PLEK2: variants seen among roughly 807,000 people sequenced by gnomAD.
The protein encoded by PLEK2 is pleckstrin-2.
In PLEK2, 29 loss-of-function variants were observed where a neutral mutation model predicts 43.8. The observed-to-expected ratio is 0.66, with a 90% confidence interval of 0.49 to 0.90. The LOEUF (loss-of-function observed/expected upper bound fraction) is 0.90, where lower values mean the gene tolerates loss of function less well. Ranked by LOEUF, PLEK2 falls within the 40% of genes least tolerant of loss-of-function variation. The probability of loss-of-function intolerance (pLI) is 0.00; values close to 1 mark genes in which losing one functional copy is unlikely to be tolerated. For missense variants in PLEK2, 398 were observed against 448.1 expected (o/e 0.89, Z 1.01); for synonymous variants, 162 against 173.2 (o/e 0.94, Z 0.51).
At chr14:67,401,256 G>A (rs1347535284) in intron 1 of PLEK2, among the ~76,000 whole-genome samples, 2 of 152,114 alleles carry the variant, frequency 1.3e-5, no homozygotes, top group East Asian at 3.9e-4. Flanking sequence ...GGAGGCTGAG[G>A]CAGAAGGATT....
At chr14:67,395,061 G>A (rs1400351089) in intron 3 of PLEK2, among the ~76,000 whole-genome samples, 1 of 152,150 alleles carries the variant, frequency 6.6e-6, no homozygotes, top group East Asian at 1.9e-4. Flanking sequence ...CAGGTATTCT[G>A]TTATAAGTAA....
Position 67,392,319 on chromosome 14 carries a change from G to A in PLEK2, c.771+7C>T, listed in dbSNP as rs750806435. 6.4e-7 allele frequency: 1 copy of A among 1,551,450 alleles called. No individual in the cohort carries two copies. The highest frequency in any genetic ancestry group is 1.1e-5 in the South Asian group (1 of 89,826). ...CCATCTCTCTTCCCTGCTCATAGCAGCCATACCTGCTTGGCCAGGTAGCCT... is the reference window on the plus strand; with the variant it reads ...CCATCTCTCTTCCCTGCTCATAGCAACCATACCTGCTTGGCCAGGTAGCCT... On this transcript the variant is annotated splice_region_variant and intron_variant, in intron 6 of 8. Transcript: ENST00000216446.
At position 67,407,736 on chromosome 14, in the gene PLEK2, C is replaced by T. The variant is rs572400859; in HGVS notation, c.42+4282G>A. ...AATTTACAGGTGTGAGCCACCACACCCGGCAGACCCCTAACTTTAAAGATA... is the reference window on the plus strand; with the variant it reads ...AATTTACAGGTGTGAGCCACCACACTCGGCAGACCCCTAACTTTAAAGATA... On this transcript the variant is annotated intron_variant, in intron 1 of 8. Coordinates refer to ENST00000216446, the MANE Select transcript of PLEK2 (RefSeq NM_016445.3). Among the ~76,000 whole-genome samples, 13 of 152,218 alleles carry T rather than the reference C, an allele frequency of 8.5e-5. No individual in the cohort carries two copies. In the South Asian group the frequency reaches 2.5e-3, roughly 29 times the overall value.
At chr14:67,405,569 T>C (rs1392173271) in intron 1 of PLEK2, among the ~76,000 whole-genome samples, 1 of 152,132 alleles carries the variant, frequency 6.6e-6, no homozygotes, top group East Asian at 1.9e-4. Context: ...CCTTGCATAG[T>C]CTCCTTCCAC....
At chr14:67,407,206 C>G (rs1236616204) in intron 1 of PLEK2, among the ~76,000 whole-genome samples, 1 of 152,096 alleles carries the variant, frequency 6.6e-6, no homozygotes, top group Non-Finnish European at 1.5e-5. Context: ...ACTGCAACCT[C>G]CACCTCTTGG....
intron 3 of PLEK2, among the ~76,000 whole-genome samples, chr14:67,393,478 G>C (rs906896888): frequency 2.0e-5 from 3 of 152,130 alleles, no homozygotes; most frequent in Admixed American, 6.5e-5. Context: ...TTTTGAGACA[G>C]AGTCTCGCTC....
Position 67,393,254 on chromosome 14 carries a change from G to C in PLEK2, c.390-13C>G, listed in dbSNP as rs774444319. The C allele has an allele frequency of 2.3e-5, 37 of 1,594,344 alleles. 1 individual carries two copies. The South Asian group carries it at 3.5e-4, about 15-fold the overall frequency. On this transcript the variant is annotated splice_polypyrimidine_tract_variant and intron_variant, in intron 3 of 8. Coordinates refer to ENST00000216446, the MANE Select transcript of PLEK2 (RefSeq NM_016445.3). The stretch of plus-strand genomic sequence containing the variant: ...GTCCACAATGCGACTACATGGAAGG[G>C]AAGGCAAAGGAGAGGGAACCCTCAT...
At chr14:67,399,730 CTCAGGTGGCAGGAATAAAGAGAAGGGTA>C (rs1566628644) in intron 1 of PLEK2, among the ~76,000 whole-genome samples, 6 of 149,952 alleles carry the variant, frequency 4.0e-5, no homozygotes, top group African/African-American at 1.2e-4. Context: ...TTAGGTGGGT[CTCAGGTGGCAGGAATAAAGAGAAGGGTA>C]GTTTAGGTGG....
intron 8 of PLEK2, among the ~76,000 whole-genome samples, chr14:67,387,707 C>T (rs768340989): frequency 3.4e-4 from 51 of 152,200 alleles, no homozygotes; most frequent in Non-Finnish European, 6.3e-4. Context: ...TGCCTGCTCC[C>T]TATGCTCAAG....
intron 1 of PLEK2, among the ~76,000 whole-genome samples, chr14:67,407,607 ATTATT>A (rs1489302487): frequency 2.6e-5 from 4 of 151,508 alleles, no homozygotes; most frequent in Middle Eastern, 3.2e-3. Flanking sequence ...TGACTGGCTA[ATTATT>A]TTATTTTTTG....
intron 3 of PLEK2, among the ~76,000 whole-genome samples, chr14:67,394,524 C>G (rs2139852911): frequency 6.6e-6 from 1 of 152,274 alleles, no homozygotes; most frequent in South Asian, 2.1e-4. Flanking sequence ...GCCTACCCAC[C>G]TTTATCTGCA....
At chr14:67,393,094 C>T in intron 4 of PLEK2, 56 bp downstream of exon 4, 1 of 1,307,596 alleles carries the variant, frequency 7.6e-7, no homozygotes, top group South Asian at 1.2e-5. Context: ...CAGCTGAGCC[C>T]TGCATCACCA....
chr14:67,397,909 G>T, intron 1 of PLEK2, 83 bp from the exon 2 acceptor site: 1 of 1,117,566 alleles, frequency 8.9e-7, no homozygotes, highest in Non-Finnish European at 1.3e-6. Flanking sequence ...GGTGGCACAA[G>T]TAACCAGACT....
chr14:67,394,757 T>C (rs1449397961), intron 3 of PLEK2, among the ~76,000 whole-genome samples: 2 of 152,202 alleles, frequency 1.3e-5, no homozygotes, highest in African/African-American at 4.8e-5. Context: ...AGGTGATGCC[T>C]TTAAGAGGTG....
intron 3 of PLEK2, among the ~76,000 whole-genome samples, chr14:67,394,087 A>G (rs567496110): frequency 6.6e-6 from 1 of 152,304 alleles, no homozygotes; most frequent in Admixed American, 6.5e-5. Context: ...TCCTCACCAC[A>G]GAACAGGGTG....
At chr14:67,393,316 G>T in intron 3 of PLEK2, 75 bp from the exon 4 acceptor site, 1 of 975,552 alleles carries the variant, frequency 1.0e-6, no homozygotes, top group Non-Finnish European at 1.7e-6. Context: ...CTGAGTCACT[G>T]CTAAGGGTAT....
chr14:67,399,238 G>T (rs1351357790), intron 1 of PLEK2, among the ~76,000 whole-genome samples: 2 of 151,906 alleles, frequency 1.3e-5, no homozygotes, highest in East Asian at 1.9e-4. Context: ...TAGTTTAGGT[G>T]GCTGTCAGGT....
rs564630090 is a variant in PLEK2 at position 67,395,648 on chromosome 14, A to G, written c.208-65T>C. 2.8e-5 allele frequency: 41 copies of G among 1,466,784 alleles called. No homozygotes were observed. The South Asian group carries it at 4.6e-4, about 17-fold the overall frequency. The allele number at this position is 1,466,784 out of a possible 1,614,324, so 90.9% of individuals were successfully genotyped here. On this transcript the variant is annotated intron_variant, in intron 2 of 8. Coordinates refer to ENST00000216446, the MANE Select transcript of PLEK2 (RefSeq NM_016445.3). ...GAGCAAGAGGACGCCGGGCAGCAAA[A>G]ATGACGGGGCCCCGGGAGAATCTAG...
intron 1 of PLEK2, among the ~76,000 whole-genome samples, chr14:67,402,458 G>T (rs766365854): frequency 2.0e-5 from 3 of 152,024 alleles, no homozygotes; most frequent in Admixed American, 2.0e-4. Context: ...ATTTTTAAAC[G>T]TACAATTAAG....
Sources: allele counts gnomAD v4.1 joint callset (sites outside exome capture counted in the v4.1 genomes callset), GRCh38; gene constraint gnomAD v4.1.1; transcripts MANE v1.5; gene names NCBI Gene and HGNC (gene_info 2026-07-23, HGNC 2026-07-21).